PCDH11Y: variants seen among roughly 807,000 people sequenced by gnomAD.
The protein encoded by PCDH11Y is protocadherin-11 Y-linked.
For missense variants in PCDH11Y, 12 were observed against 224.8 expected (o/e 0.05, Z 6.05); for synonymous variants, 9 against 83.6 (o/e 0.11, Z 4.87).
intron 4 of PCDH11Y, among the ~76,000 whole-genome samples, chrY:5,653,215 C>T (rs1602956467): frequency 3.6e-5 from 1 of 27,951 alleles, no homozygotes; most frequent in Non-Finnish European, 8.3e-5. Flanking sequence ...TCCAAAGGAT[C>T]GCAGCTCCTC....
At chrY:5,317,879 C>A in intron 2 of PCDH11Y, among the ~76,000 whole-genome samples, 1 of 33,021 alleles carries the variant, frequency 3.0e-5, no homozygotes, top group Non-Finnish European at 7.4e-5. Context: ...GAGGAATATA[C>A]TCGAGAATGT....
At chrY:5,159,329 A>C in intron 2 of PCDH11Y, among the ~76,000 whole-genome samples, 1 of 29,755 alleles carries the variant, frequency 3.4e-5, no homozygotes, top group Non-Finnish European at 8.0e-5. Context: ...GTAGATTCAA[A>C]CATATACTGA....
intron 1 of PCDH11Y, among the ~76,000 whole-genome samples, chrY:5,095,026 T>C (rs2052747948): frequency 3.1e-5 from 1 of 32,651 alleles, no homozygotes; most frequent in Non-Finnish European, 7.6e-5. Context: ...AAAGGCCAAC[T>C]CAAAATTCAG....
intron 2 of PCDH11Y, among the ~76,000 whole-genome samples, chrY:5,469,051 G>C: frequency 3.6e-5 from 1 of 27,936 alleles, no homozygotes; most frequent in South Asian, 9.1e-4. Context: ...TCATGCATAG[G>C]ATTAGTGCCC....
chrY:5,370,800 A>G, intron 2 of PCDH11Y, among the ~76,000 whole-genome samples: 1 of 27,344 alleles, frequency 3.7e-5, no homozygotes, highest in African/African-American at 1.4e-4. Flanking sequence ...ACTATTTTTC[A>G]AATATAAGTG....
chrY:5,145,625 T>C, intron 2 of PCDH11Y, among the ~76,000 whole-genome samples: 1 of 33,524 alleles, frequency 3.0e-5, no homozygotes, highest in Admixed American at 2.8e-4. Flanking sequence ...TGGCAATATA[T>C]TTTTATTAAA....
At chrY:5,537,194 TG>T (rs2053401268) in intron 3 of PCDH11Y, among the ~76,000 whole-genome samples, 1 of 31,322 alleles carries the variant, frequency 3.2e-5, no homozygotes, top group South Asian at 7.2e-4. Flanking sequence ...CATTCATAAG[TG>T]TAGAATTTGC....
At chrY:5,213,108 T>C in intron 2 of PCDH11Y, among the ~76,000 whole-genome samples, 1 of 23,496 alleles carries the variant, frequency 4.3e-5, no homozygotes, top group Non-Finnish European at 9.6e-5. Context: ...ATAATTATAA[T>C]ATGTGTCACC....
At chrY:5,402,652 C>CT (rs2053234658) in intron 2 of PCDH11Y, among the ~76,000 whole-genome samples, 42 of 18,808 alleles carry the variant, frequency 2.2e-3, no homozygotes, top group South Asian at 4.0e-3. Flanking sequence ...TTAGTTATTT[C>CT]TTTTTTTTTT....
intron 2 of PCDH11Y, among the ~76,000 whole-genome samples, chrY:5,194,432 CAAAAAAA>C (rs1444727257): frequency 2.2e-4 from 1 of 4,634 alleles, no homozygotes; most frequent in South Asian, 5.4e-3. Context: ...ACCCTTGTCT[CAAAAAAA>C]AAAAAAAAAA....
chrY:5,028,683 G>C (rs2052583439), intron 1 of PCDH11Y, among the ~76,000 whole-genome samples: 1 of 32,974 alleles, frequency 3.0e-5, no homozygotes, highest in Non-Finnish European at 7.4e-5. Context: ...TGAGGTAGGA[G>C]GATTGGTCAA....
chrY:5,121,580 A>G (rs2052818235), intron 2 of PCDH11Y, among the ~76,000 whole-genome samples: 7 of 33,105 alleles, frequency 2.1e-4, no homozygotes, highest in Non-Finnish European at 4.4e-4. Context: ...ACATGCAGGA[A>G]CAATACTTTG....
intron 3 of PCDH11Y, among the ~76,000 whole-genome samples, chrY:5,550,167 G>A: frequency 6.4e-5 from 2 of 31,316 alleles, no homozygotes; most frequent in African/African-American, 1.2e-4. Context: ...ATAAATGATT[G>A]AGGGGATGGA....
At chrY:5,124,274 T>C in intron 2 of PCDH11Y, among the ~76,000 whole-genome samples, 4 of 33,173 alleles carry the variant, frequency 1.2e-4, no homozygotes, top group African/African-American at 4.7e-4. Flanking sequence ...TTCTCATGTG[T>C]CCTGCTCAAA....
At chrY:5,394,211 G>C in intron 2 of PCDH11Y, among the ~76,000 whole-genome samples, 4 of 33,814 alleles carry the variant, frequency 1.2e-4, no homozygotes, top group Non-Finnish European at 2.9e-4. Flanking sequence ...CTTTTCTTTG[G>C]ATTGAAGAGA....
intron 2 of PCDH11Y, among the ~76,000 whole-genome samples, chrY:5,176,818 C>A (rs2052894167): frequency 3.0e-5 from 1 of 32,995 alleles, no homozygotes; most frequent in South Asian, 6.8e-4. Flanking sequence ...TGTTCCATAT[C>A]AAAAAATATA....
At chrY:5,128,640 A>G (rs2124640831) in intron 2 of PCDH11Y, among the ~76,000 whole-genome samples, 1 of 33,156 alleles carries the variant, frequency 3.0e-5, no homozygotes, top group Non-Finnish European at 7.4e-5. Context: ...TCAGCCTGAC[A>G]GGTGATTTAT....
At chrY:5,471,958 T>A in intron 2 of PCDH11Y, among the ~76,000 whole-genome samples, 1 of 32,660 alleles carries the variant, frequency 3.1e-5, no homozygotes, top group Non-Finnish European at 7.6e-5. Flanking sequence ...AGGAGATAAA[T>A]AAATAGAACA....
intron 1 of PCDH11Y, among the ~76,000 whole-genome samples, chrY:5,097,992 G>A (rs2052756754): frequency 3.1e-5 from 1 of 32,023 alleles, no homozygotes; most frequent in Admixed American, 2.9e-4. Context: ...TAACTTGCTT[G>A]TAATCACGAT....
Sources: allele counts gnomAD v4.1 joint callset (sites outside exome capture counted in the v4.1 genomes callset), GRCh38; gene constraint gnomAD v4.1.1; transcripts MANE v1.5; gene names NCBI Gene and HGNC (gene_info 2026-07-23, HGNC 2026-07-21).